The following LAMA3 variants were observed in gnomAD, a reference collection of about 807,000 sequenced individuals.
The protein encoded by LAMA3 is laminin subunit alpha-3.
Under a neutral mutation model 402.0 loss-of-function variants are expected in LAMA3, and 281 were observed. The observed-to-expected ratio is 0.70, with a 90% CI of 0.63 to 0.77. LAMA3 has a LOEUF of 0.77. Among genes scored for constraint, LAMA3 ranks in the 30% least tolerant of loss-of-function variants. The pLI is 0.00. For synonymous variants in LAMA3, 1,431 were observed against 1,558.4 expected (o/e 0.92, Z 1.93); for missense variants, 3,840 against 4,215.5 (o/e 0.91, Z 2.47).
chr18:23,701,115 G>A (rs2060783035), intron 1 of LAMA3, among the ~76,000 whole-genome samples: 1 of 152,212 alleles, frequency 6.6e-6, no homozygotes, highest in African/African-American at 2.4e-5. Flanking sequence ...AGGAGAATGA[G>A]GCATTGTTGC....
At chr18:23,699,925 C>G (rs2060760355) in intron 1 of LAMA3, among the ~76,000 whole-genome samples, 1 of 152,084 alleles carries the variant, frequency 6.6e-6, no homozygotes, top group Admixed American at 6.6e-5. Context: ...TCCTAATATC[C>G]TGATATCTTG....
intron 2 of LAMA3, among the ~76,000 whole-genome samples, chr18:23,735,158 G>A (rs1312306660): frequency 1.3e-5 from 2 of 152,164 alleles, no homozygotes; most frequent in Non-Finnish European, 2.9e-5. Flanking sequence ...ACTGGCAATT[G>A]CATTTATGAG....
chr18:23,772,806 G>C (rs900767481), intron 8 of LAMA3, among the ~76,000 whole-genome samples: 1 of 152,162 alleles, frequency 6.6e-6, no homozygotes, highest in Non-Finnish European at 1.5e-5. Context: ...TTATTCCCAA[G>C]TTAGAGCAAA....
chr18:23,789,415 A>C (rs2062608337), intron 12 of LAMA3, among the ~76,000 whole-genome samples: 2 of 152,186 alleles, frequency 1.3e-5, no homozygotes, highest in African/African-American at 4.8e-5. Context: ...TGGGGAAACA[A>C]CCCATATGCT....
At position 23,837,649 on chromosome 18, in the gene LAMA3, C is replaced by T. The variant is rs2063614490; in HGVS notation, c.3093+560C>T. On this transcript the variant is annotated intron_variant, in intron 25 of 74. Coordinates refer to ENST00000313654, the MANE Select transcript of LAMA3 (RefSeq NM_198129.4). Reference sequence around the variant, plus strand: ...CAGACTAAATAATCTTCATGCCCACCCTTGTAATGTCATGACTTGAACATT... The same window carrying T: ...CAGACTAAATAATCTTCATGCCCACTCTTGTAATGTCATGACTTGAACATT... 3.6e-5 allele frequency among the ~76,000 whole-genome samples: 5 copies of T among 137,198 alleles called. No individual in the cohort carries two copies. The Admixed American group carries it at 4.1e-4, about 11-fold the overall frequency. 90.0% of individuals were successfully genotyped at this position (137,198 alleles called of 152,430 possible).
intron 12 of LAMA3, among the ~76,000 whole-genome samples, chr18:23,792,776 G>A (rs1230281579): frequency 6.6e-6 from 1 of 152,194 alleles, no homozygotes; most frequent in Non-Finnish European, 1.5e-5. Context: ...GGGATGTGTA[G>A]GTGTTTCCCA....
At chr18:23,729,118 G>A (rs1247872486) in intron 2 of LAMA3, among the ~76,000 whole-genome samples, 1 of 63,572 alleles carries the variant, frequency 1.6e-5, no homozygotes, top group Admixed American at 1.8e-4. Context: ...TGTATTGTGT[G>A]TGTATGTGTG....
intron 58 of LAMA3, 95 bp from the exon 59 acceptor site, chr18:23,915,194 C>G (rs1053242551): frequency 7.3e-7 from 1 of 1,369,632 alleles, no homozygotes; most frequent in Non-Finnish European, 1.0e-6. Context: ...TTAATTAACC[C>G]TTATGCCATA....
chr18:23,835,777 T>C (rs2063570068), intron 24 of LAMA3, among the ~76,000 whole-genome samples: 1 of 152,156 alleles, frequency 6.6e-6, no homozygotes. Context: ...CTATGTTAAA[T>C]GACAGGCCCT....
At position 23,884,875 on chromosome 18, in the gene LAMA3, C is replaced by T. The variant is rs530456981; in HGVS notation, c.5303+22C>T. On this transcript the variant is annotated intron_variant, in intron 41 of 74. Coordinates refer to ENST00000313654, the MANE Select transcript of LAMA3 (RefSeq NM_198129.4). ...AAAGGTAAGGTGGGCGCCCCTCCCG[C>T]CTCAGCCTGCAGAGGGGGCGGGGAG... 7 of 1,590,570 alleles carry T rather than the reference C, an allele frequency of 4.4e-6. No homozygotes were observed. The South Asian group carries it at 5.6e-5, about 13-fold the overall frequency.
At chr18:23,859,534 C>A (rs1349923214) in intron 34 of LAMA3, among the ~76,000 whole-genome samples, 1 of 152,162 alleles carries the variant, frequency 6.6e-6, no homozygotes. Context: ...ATAATGGCTC[C>A]CAGAATTCAG....
chr18:23,773,734 T>G, intron 9 of LAMA3, 147 bp downstream of exon 9: 1 of 664,148 alleles, frequency 1.5e-6, no homozygotes, highest in Non-Finnish European at 2.8e-6. Flanking sequence ...CTCAGTCACT[T>G]ACACAGTCTC....
intron 52 of LAMA3, among the ~76,000 whole-genome samples, chr18:23,906,174 A>G (rs1298259524): frequency 2.0e-5 from 3 of 152,356 alleles, no homozygotes; most frequent in Non-Finnish European, 2.9e-5. Context: ...CCTTATAAAT[A>G]TAAATAAATC....
chr18:23,875,801 C>A (rs2064689660), intron 38 of LAMA3, among the ~76,000 whole-genome samples: 1 of 152,098 alleles, frequency 6.6e-6, no homozygotes, highest in Non-Finnish European at 1.5e-5. Flanking sequence ...TTGTCCATTT[C>A]CACCTTCTCC....
intron 67 of LAMA3, among the ~76,000 whole-genome samples, chr18:23,937,447 G>A (rs902763474): frequency 2.0e-5 from 3 of 151,492 alleles, no homozygotes; most frequent in South Asian, 2.1e-4. Flanking sequence ...AGGAAGGAGT[G>A]GAAACAAAAT....
chr18:23,777,138 C>T (rs2062339108), intron 10 of LAMA3, among the ~76,000 whole-genome samples: 2 of 151,872 alleles, frequency 1.3e-5, no homozygotes, highest in South Asian at 4.1e-4. Context: ...CTGCGCTCGG[C>T]CTGCCTTTTT....
chr18:23,866,276 C>T (rs577968403), intron 36 of LAMA3, among the ~76,000 whole-genome samples: 3 of 152,114 alleles, frequency 2.0e-5, no homozygotes, highest in Non-Finnish European at 2.9e-5. Flanking sequence ...GAAGTCGGCT[C>T]TATTTCTGGT....
intron 12 of LAMA3, among the ~76,000 whole-genome samples, chr18:23,806,280 A>G (rs2062960661): frequency 6.6e-6 from 1 of 152,170 alleles, no homozygotes; most frequent in Non-Finnish European, 1.5e-5. Context: ...ATCTATTCTC[A>G]CAGATATTCC....
intron 12 of LAMA3, among the ~76,000 whole-genome samples, chr18:23,803,233 T>G (rs544068873): frequency 6.6e-6 from 1 of 152,280 alleles, no homozygotes; most frequent in Non-Finnish European, 1.5e-5. Context: ...TTCAAAGTAA[T>G]TAACCTGCCA....
Sources: gnomAD v4.1 joint callset for allele counts (sites outside exome capture counted in the v4.1 genomes callset) on GRCh38, gnomAD v4.1.1 for gene constraint, MANE v1.5 for transcripts, NCBI Gene and HGNC (gene_info 2026-07-23, HGNC 2026-07-21) for gene names.